Variants in CALHM6 observed in about 807,000 individuals in gnomAD.
The protein encoded by CALHM6 is calcium homeostasis modulator protein 6.
A neutral mutation model predicts 12.7 loss-of-function variants in CALHM6; 15 were observed. The ratio of observed to expected loss-of-function variants is 1.18; its 90% CI spans 0.79 to 1.82. The LOEUF is 1.82. Ranked by LOEUF, CALHM6 falls within the 40% of genes most tolerant of loss-of-function variation. The pLI is 0.00. For synonymous variants in CALHM6, 212 were observed against 193.7 expected, an observed-to-expected ratio of 1.09 and a Z score of -0.78; for missense variants, 434 against 421.0, an observed-to-expected ratio of 1.03 and a Z score of -0.27.
Position 116,462,378 on chromosome 6 carries a change from T to TGCCGCTGGTGCC in CALHM6, c.451_462dup (p.Pro151_Pro154dup), listed in dbSNP as rs1562326591. ...CGCAACCGCAGCTGCGCCGCGGAGCTGCCGCTGGTGCCGTGCAACCAGGCC... is the reference window on the plus strand; with the variant it reads ...CGCAACCGCAGCTGCGCCGCGGAGCTGCCGCTGGTGCCGCCGCTGGTGCCGTGCAACCAGGCC... On this transcript the variant is annotated inframe_insertion, in exon 2 of 3. Coordinates refer to ENST00000368605, the MANE Select transcript of CALHM6 (RefSeq NM_001010919.3). The TGCCGCTGGTGCC allele has an allele frequency of 2.1e-6, 3 of 1,459,918 alleles. No homozygotes were observed. The highest frequency in any genetic ancestry group is 3.0e-5 in the East Asian group (1 of 33,658). The allele number at this position is 1,459,918 out of a possible 1,614,324, so 90.4% of individuals were successfully genotyped here.
rs1226546187 is a variant in CALHM6 at position 116,463,500 on chromosome 6, A to T, written c.743A>T (p.Glu248Val). 36 of 1,614,102 alleles carry T rather than the reference A, an allele frequency of 2.2e-5. No individual in the cohort carries two copies. Among genetic ancestry groups the T allele is most frequent in the Non-Finnish European group, 3.1e-5 (36 of 1,180,040 alleles). The change falls in exon 3 of 3, where the codon GAA becomes GTA. Residue 248 changes from glutamate to valine, a missense_variant. Physicochemically the swap from Glu to Val is moderately radical, Grantham distance 121. Coordinates refer to ENST00000368605, the MANE Select transcript of CALHM6 (RefSeq NM_001010919.3). The stretch of plus-strand genomic sequence containing the variant: ...TTCTTTGAGGGCTCGCATCCAAAAG[A>T]ATATAACACTCCAAGCATGAAAGAG... The part of the protein sequence containing the change: ...KCFFEGSHPK[E>V]YNTPSMKEWQ...
chr6:116,461,769 G>A, intron 1 of CALHM6, 103 bp from the exon 2 acceptor site: 2 of 871,356 alleles, frequency 2.3e-6, no homozygotes, highest in Non-Finnish European at 3.3e-6. Context: ...ACTTTAGGAA[G>A]GTCTGAGAAG....
chr6:116,462,625 C>T (rs1784804805), intron 2 of CALHM6, 171 bp downstream of exon 2: 1 of 498,900 alleles, frequency 2.0e-6, no homozygotes, highest in Non-Finnish European at 3.5e-6. Flanking sequence ...CTGAATAAAA[C>T]GAATGAAAAG....
At position 116,462,170 on chromosome 6, in the gene CALHM6, T is replaced by C. The variant is rs1486589912; in HGVS notation, c.241T>C (p.Cys81Arg). 2 of 1,521,326 alleles carry C rather than the reference T, an allele frequency of 1.3e-6. No homozygotes were observed. Among genetic ancestry groups the C allele is most frequent in the East Asian group, 2.5e-5 (1 of 39,256 alleles). 94.2% of individuals were successfully genotyped at this position (1,521,326 alleles called of 1,614,324 possible). The stretch of plus-strand genomic sequence containing the variant: ...ACGCACGTGGCGCCTGCTCACCGGA[T>C]GCTGCTCCAGCGCCCGCGCGAGTTG... ...SARTWRLLTG[C>R]CSSARASCGS... Residue 81 changes from cysteine (C) to arginine (R), a missense_variant, in exon 2 of 3, where the codon TGC becomes CGC. Transcript: ENST00000368605.
intron 1 of CALHM6, 51 bp from the exon 2 acceptor site, chr6:116,461,821 G>A: frequency 5.3e-6 from 5 of 944,218 alleles, no homozygotes; most frequent in Non-Finnish European, 5.7e-6. Flanking sequence ...GCTGCTTCTC[G>A]CAGAGTGGAA....
intron 2 of CALHM6, among the ~76,000 whole-genome samples, chr6:116,463,063 C>T (rs1036633806): frequency 6.6e-6 from 1 of 152,146 alleles, no homozygotes; most frequent in Non-Finnish European, 1.5e-5. Flanking sequence ...TGGGCAGAAT[C>T]ATAGTGCATA....
In CALHM6 at chr6:116,463,397, T is replaced by C. The variant is rs938042773; in HGVS notation, c.640T>C (p.Leu214=). The change falls in exon 3 of 3, where the codon TTG becomes CTG. Residue 214 remains leucine, a synonymous_variant. Transcript: ENST00000368605. ...FLQLKFWKIY[L]EQEQQILKSK... ...GCAGCTGAAATTCTGGAAAATCTAT[T>C]TGGAACAGGAGCAGCAGATCCTTAA... 2 of 1,614,004 alleles carry C rather than the reference T, an allele frequency of 1.2e-6. No homozygotes were observed. The highest frequency in any genetic ancestry group is 2.7e-5 in the African/African-American group (2 of 74,918).
chr6:116,463,170 T>G (rs747209008), intron 2 of CALHM6, 113 bp from the exon 3 acceptor site: 1 of 1,023,454 alleles, frequency 9.8e-7, no homozygotes, highest in African/African-American at 1.6e-5. Context: ...GACCTAAAAC[T>G]GTTGCTTGTT....
Position 116,461,914 on chromosome 6 carries a change from C to G in CALHM6, c.-16C>G. ...AGGATCTGGGCCTGTGCGCGACGCC[C>G]CGGGGGACGAGGCTCATGGAGAAGT... On this transcript the variant is annotated 5_prime_UTR_variant, in exon 2 of 3. Transcript: ENST00000368605. 1 of 1,486,730 alleles carries G rather than the reference C, an allele frequency of 6.7e-7. No homozygotes were observed. The allele number at this position is 1,486,730 out of a possible 1,614,324, so 92.1% of individuals were successfully genotyped here. A position where few individuals can be genotyped will look rare whatever the true frequency, so the allele number is the denominator to read the frequency against.
rs750716446 is a variant in CALHM6 at position 116,462,287 on chromosome 6, G to C, written c.358G>C (p.Gly120Arg). The C allele has an allele frequency of 8.6e-5, 121 of 1,405,598 alleles. No homozygotes were observed. Among genetic ancestry groups the C allele is most frequent in the Admixed American group, 2.5e-4 (8 of 31,498 alleles). The allele number at this position is 1,405,598 out of a possible 1,614,324, so 87.1% of individuals were successfully genotyped here. Reference sequence around the variant, plus strand: ...CACCTGGGTGGCCGTGGCGCTGCTCGGGGGCGCCTTTTACGAGTGCGCGGC... The same window carrying C: ...CACCTGGGTGGCCGTGGCGCTGCTCCGGGGCGCCTTTTACGAGTGCGCGGC... ...PLTWVAVALL[G>R]GAFYECAATG... is the part of the protein sequence containing the mutation. The change falls in exon 2 of 3, where the codon GGG (glycine) becomes CGG (arginine). Residue 120 changes from glycine (G) to arginine (R), a missense_variant. Physicochemically the swap from Gly to Arg is moderately radical, Grantham distance 125. Transcript: ENST00000368605.
intron 1 of CALHM6, among the ~76,000 whole-genome samples, 170 bp downstream of exon 1, chr6:116,461,599 C>T (rs1460429820): frequency 6.6e-6 from 1 of 151,872 alleles, no homozygotes; most frequent in African/African-American, 2.4e-5. Context: ...AATAAAGGAA[C>T]AAGGTCAACC....
Position 116,461,476 on chromosome 6 carries a change from G to C in CALHM6, c.-59+47G>C, listed in dbSNP as rs1202372320. The C allele has an allele frequency of 3.9e-6, 6 of 1,520,988 alleles. No individual in the cohort carries two copies. In the Admixed American group the frequency reaches 1.2e-4, roughly 30 times the overall value. The allele number at this position is 1,520,988 out of a possible 1,614,324, so 94.2% of individuals were successfully genotyped here. A position where few individuals can be genotyped will look rare whatever the true frequency, so the allele number is the denominator to read the frequency against. ...AATTATTTGGTTTTACTGTGATCTG[G>C]CTTAGTAACTAGGGTGGCTGCAATA... On this transcript the variant is annotated intron_variant, in intron 1 of 2. Coordinates refer to ENST00000368605, the MANE Select transcript of CALHM6 (RefSeq NM_001010919.3).
At chr6:116,463,033 G>T (rs887666640) in intron 2 of CALHM6, among the ~76,000 whole-genome samples, 1 of 152,164 alleles carries the variant, frequency 6.6e-6, no homozygotes, top group Non-Finnish European at 1.5e-5. Context: ...AGTTCTAAGG[G>T]AATGGTATGG....
In CALHM6 at chr6:116,462,253, C is replaced by T; in HGVS notation, c.324C>T (p.Leu108=). Residue 108 remains leucine, a synonymous_variant, in exon 2 of 3, where the codon CTC becomes CTT. Coordinates refer to ENST00000368605, the MANE Select transcript of CALHM6 (RefSeq NM_001010919.3). The part of the protein sequence containing the change: ...VCTQISAAAA[L]APLTWVAVAL... ...CGCAAATCAGCGCGGCCGCCGCGCTCGCGCCCCTCACCTGGGTGGCCGTGG... is the reference window on the plus strand; with the variant it reads ...CGCAAATCAGCGCGGCCGCCGCGCTTGCGCCCCTCACCTGGGTGGCCGTGG... 5.1e-6 allele frequency: 7 copies of T among 1,373,230 alleles called. No homozygotes were observed. Among genetic ancestry groups the T allele is most frequent in the Non-Finnish European group, 6.5e-6 (7 of 1,069,734 alleles). The allele number at this position is 1,373,230 out of a possible 1,614,324, so 85.1% of individuals were successfully genotyped here. A position where few individuals can be genotyped will look rare whatever the true frequency, so the allele number is the denominator to read the frequency against.
chr6:116,461,456 T>C (rs1260212844), intron 1 of CALHM6, 27 bp downstream of exon 1: 2 of 1,548,402 alleles, frequency 1.3e-6, no homozygotes, highest in Non-Finnish European at 1.7e-6. Context: ...TTGATAATTA[T>C]TTGGTTTTAC....
At position 116,462,052 on chromosome 6, in the gene CALHM6, C is replaced by T. The variant is rs989126960; in HGVS notation, c.123C>T (p.Cys41=). The part of the protein sequence containing the change: ...ERIFSAVAFQ[C]PCSAAWNLPY... ...TCTTCTCCGCCGTGGCATTCCAGTG[C>T]CCGTGCAGCGCCGCCTGGAACCTGC... is the stretch of plus-strand genomic sequence containing the variant. Residue 41 remains cysteine, a synonymous_variant, in exon 2 of 3, where the codon TGC becomes TGT. Coordinates refer to ENST00000368605, the MANE Select transcript of CALHM6 (RefSeq NM_001010919.3). The T allele has an allele frequency of 2.6e-6, 4 of 1,547,970 alleles. No homozygotes were observed. The highest frequency in any genetic ancestry group is 3.5e-6 in the Non-Finnish European group (4 of 1,146,364).
chr6:116,462,126 TG>T lies in CALHM6; in HGVS notation c.200del (p.Gly67AlafsTer4). ...GTGCCGGCGCTCGCGCTCTTCCTCC[TG>T]GGCTACGTGCTGAGCGCACGCACGT... ...LLVPALALFL[L>X]GYVLSARTWR... On this transcript the variant is annotated frameshift_variant, in exon 2 of 3. Coordinates refer to ENST00000368605, the MANE Select transcript of CALHM6 (RefSeq NM_001010919.3). LOFTEE classifies it high-confidence loss of function. 6.5e-7 allele frequency: 1 copy of T among 1,539,652 alleles called. No individual in the cohort carries two copies. The highest frequency in any genetic ancestry group is 8.7e-7 in the Non-Finnish European group (1 of 1,145,924).
Position 116,461,894 on chromosome 6 carries a change from C to T in CALHM6, c.-36C>T. 1 of 1,474,680 alleles carries T rather than the reference C, an allele frequency of 6.8e-7. No homozygotes were observed. Among genetic ancestry groups the T allele is most frequent in the Non-Finnish European group, 9.0e-7 (1 of 1,106,334 alleles). 91.3% of individuals were successfully genotyped at this position (1,474,680 alleles called of 1,614,324 possible). A position where few individuals can be genotyped will look rare whatever the true frequency, so the allele number is the denominator to read the frequency against. Reference sequence around the variant, plus strand: ...CAGGACAACGAAGAGGCAGAAGGATCTGGGCCTGTGCGCGACGCCCCGGGG... The same window carrying T: ...CAGGACAACGAAGAGGCAGAAGGATTTGGGCCTGTGCGCGACGCCCCGGGG... On this transcript the variant is annotated 5_prime_UTR_variant, in exon 2 of 3. Transcript: ENST00000368605.
At chr6:116,463,106 G>T (rs1434692210) in intron 2 of CALHM6, among the ~76,000 whole-genome samples, 177 bp from the exon 3 acceptor site, 1 of 152,166 alleles carries the variant, frequency 6.6e-6, no homozygotes, top group Non-Finnish European at 1.5e-5. Context: ...CAAACGAGAA[G>T]TTGTACTGGG....
Sources: gnomAD v4.1 joint callset for allele counts (sites outside exome capture counted in the v4.1 genomes callset) on GRCh38, gnomAD v4.1.1 for gene constraint, MANE v1.5 for transcripts, NCBI Gene and HGNC (gene_info 2026-07-23, HGNC 2026-07-21) for gene names.